The following HTT variants were observed in gnomAD, a reference collection of about 807,000 sequenced individuals.
The protein encoded by HTT is huntingtin.
HTT carries 104 observed loss-of-function variants against 362.3 expected under a neutral mutation model. That is an observed-to-expected ratio of 0.29 (90% CI 0.24 to 0.34). The LOEUF is 0.34. Ranked by LOEUF, HTT falls within the 10% of genes least tolerant of loss-of-function variation. The pLI, the probability that HTT is intolerant of heterozygous loss-of-function variation, is 1.00. For missense variants in HTT, 3,301 were observed against 3,928.6 expected, an observed-to-expected ratio of 0.84 and a Z score of 4.27; for synonymous variants, 1,577 against 1,548.7, an observed-to-expected ratio of 1.02 and a Z score of -0.43.
chr4:3,207,815 A>T (rs1027348112), intron 45 of HTT, among the ~76,000 whole-genome samples: 1 of 152,072 alleles, frequency 6.6e-6, no homozygotes, highest in Non-Finnish European at 1.5e-5. Flanking sequence ...TTAATCATTT[A>T]GTTGTGTTTG....
chr4:3,167,813 T>C (rs906277399), intron 29 of HTT, among the ~76,000 whole-genome samples: 2 of 152,254 alleles, frequency 1.3e-5, no homozygotes, highest in African/African-American at 4.8e-5. Context: ...CTGAAAATTT[T>C]TACATTTGGC....
rs1718840182 is a variant in HTT, at chr4:3,187,856, T to C, written c.5195T>C (p.Ile1732Thr). Residue 1732 changes from isoleucine to threonine, a missense_variant, in exon 39 of 67, where the codon ATA becomes ACA. This residue lies in a region of HTT where 2,316 missense variants were observed against 2,658.5 expected (regional missense o/e 0.87). Transcript: ENST00000355072. Reference protein sequence around the residue: ...TLEEHSEGKQIKNLPEETFSR... With the variant: ...TLEEHSEGKQTKNLPEETFSR... ...GAAGAACACAGTGAAGGGAAACAAATAAAGAATTTGCCAGAAGAAACATTT... is the reference window on the plus strand; with the variant it reads ...GAAGAACACAGTGAAGGGAAACAAACAAAGAATTTGCCAGAAGAAACATTT... The C allele has an allele frequency of 1.9e-6, 3 of 1,612,002 alleles. No homozygotes were observed. The highest frequency in any genetic ancestry group is 2.5e-6 in the Non-Finnish European group (3 of 1,178,538).
At chr4:3,094,926 A>ACGGGGCGG (rs1243941976) in intron 2 of HTT, among the ~76,000 whole-genome samples, 1 of 149,904 alleles carries the variant, frequency 6.7e-6, no homozygotes, top group Non-Finnish European at 1.5e-5. Context: ...CACATCTCAG[A>ACGGGGCGG]CGGGGCGGCG....
At chr4:3,235,909 C>T (rs946468187) in intron 63 of HTT, 131 bp downstream of exon 63, 2 of 793,104 alleles carry the variant, frequency 2.5e-6, no homozygotes, top group Non-Finnish European at 4.1e-6. Context: ...AAGCCGGCCC[C>T]ATCACCTTGC....
chr4:3,075,817 TCTAAGC>T (rs1415598174), intron 1 of HTT, among the ~76,000 whole-genome samples: 1 of 152,190 alleles, frequency 6.6e-6, no homozygotes, highest in East Asian at 1.9e-4. Flanking sequence ...GATCTGCTCA[TCTAAGC>T]CTAAGTTGGT....
Position 3,139,832 on chromosome 4 carries a change from T to C in HTT, c.2799-678T>C, listed in dbSNP as rs185334071. ...TTCAGACCTGCTCTGTGCTCAGTAC[T>C]CTGTGGACAGACACTGTTCAGCACT... On this transcript the variant is annotated intron_variant, in intron 21 of 66. Coordinates refer to ENST00000355072, the MANE Select transcript of HTT (RefSeq NM_001388492.1). Among the ~76,000 whole-genome samples, 11 of 152,224 alleles carry C rather than the reference T, an allele frequency of 7.2e-5. No individual in the cohort carries two copies. The East Asian group carries it at 2.1e-3, about 29-fold the overall frequency.
At chr4:3,208,493 T>G (rs1719976422) in intron 45 of HTT, among the ~76,000 whole-genome samples, 1 of 152,242 alleles carries the variant, frequency 6.6e-6, no homozygotes, top group Non-Finnish European at 1.5e-5. Flanking sequence ...TTGCAGTGTT[T>G]GAGTATAAAT....
chr4:3,178,951 C>A (rs1718371341), intron 35 of HTT, among the ~76,000 whole-genome samples: 1 of 152,138 alleles, frequency 6.6e-6, no homozygotes, highest in African/African-American at 2.4e-5. Context: ...TGTGCAAGCC[C>A]CCAGCCTGTG....
chr4:3,143,799 C>T (rs2110201488), intron 23 of HTT, among the ~76,000 whole-genome samples: 1 of 151,998 alleles, frequency 6.6e-6, no homozygotes, highest in African/African-American at 2.4e-5. Flanking sequence ...GACAGGGTTT[C>T]TCCATGTTGG....
Position 3,196,574 on chromosome 4 carries a change from T to C in HTT, c.5369-3158T>C, listed in dbSNP as rs189263474. Among the ~76,000 whole-genome samples the C allele has an allele frequency of 1.4e-4, 22 of 152,084 alleles. No homozygotes were observed. The East Asian group carries it at 4.3e-3, about 29-fold the overall frequency. On this transcript the variant is annotated intron_variant, in intron 40 of 66. Coordinates refer to ENST00000355072, the MANE Select transcript of HTT (RefSeq NM_001388492.1). Reference sequence around the variant, plus strand: ...GCAACATGTTGAAATCCTGTTTCTATAGAAAATACAAAAATTAGCTGGGCA... The same window carrying C: ...GCAACATGTTGAAATCCTGTTTCTACAGAAAATACAAAAATTAGCTGGGCA...
chr4:3,083,952 A>T (rs1175067744), intron 1 of HTT, among the ~76,000 whole-genome samples: 2 of 152,246 alleles, frequency 1.3e-5, no homozygotes, highest in Admixed American at 6.5e-5. Flanking sequence ...TACTGATAGC[A>T]TGCAACAGTT....
At chr4:3,088,934 A>T (rs536107772) in intron 2 of HTT, among the ~76,000 whole-genome samples, 1 of 152,360 alleles carries the variant, frequency 6.6e-6, no homozygotes, top group East Asian at 1.9e-4. Context: ...ACAAATGAGC[A>T]TATGTCCTGA....
At chr4:3,230,281 T>C (rs538971433) in intron 60 of HTT, among the ~76,000 whole-genome samples, 2 of 152,256 alleles carry the variant, frequency 1.3e-5, no homozygotes, top group Admixed American at 6.5e-5. Context: ...TGGTTTGGGG[T>C]CCCGTATCCC....
intron 56 of HTT, 71 bp from the exon 57 acceptor site, chr4:3,225,590 G>A (rs914239316): frequency 1.4e-6 from 2 of 1,383,534 alleles, no homozygotes; most frequent in African/African-American, 2.9e-5. Flanking sequence ...GCAGGAGCTG[G>A]GCTGGTATGG....
intron 8 of HTT, among the ~76,000 whole-genome samples, chr4:3,118,078 A>G (rs768977238): frequency 6.6e-6 from 1 of 152,118 alleles, no homozygotes; most frequent in Non-Finnish European, 1.5e-5. Context: ...TTTGTCTTCT[A>G]AGTTTTCCTG....
chr4:3,182,221 G>C (rs936196758), intron 36 of HTT, 133 bp from the exon 37 acceptor site: 1 of 623,296 alleles, frequency 1.6e-6, no homozygotes, highest in Admixed American at 2.8e-5. Context: ...GTGTCCCCCT[G>C]TCCTCGCTGG....
intron 37 of HTT, among the ~76,000 whole-genome samples, chr4:3,184,463 G>A (rs1316579010): frequency 3.3e-5 from 5 of 151,818 alleles, no homozygotes; most frequent in African/African-American, 9.7e-5. Context: ...GGAGGTGAGG[G>A]CAGAGCAGGG....
chr4:3,151,528 C>T (rs902625369), intron 26 of HTT, among the ~76,000 whole-genome samples: 3 of 152,118 alleles, frequency 2.0e-5, no homozygotes, highest in African/African-American at 4.8e-5. Flanking sequence ...GCCCCACCTC[C>T]GACACTGGAG....
At chr4:3,100,926 G>A (rs1246178827) in intron 3 of HTT, among the ~76,000 whole-genome samples, 1 of 152,152 alleles carries the variant, frequency 6.6e-6, no homozygotes, top group East Asian at 1.9e-4. Flanking sequence ...ATGGGATCTC[G>A]CCAGGTTGCC....
Sources: gnomAD v4.1 joint callset for allele counts (sites outside exome capture counted in the v4.1 genomes callset) on GRCh38, gnomAD v4.1.1 for gene constraint, gnomAD v4.1.1 regional missense constraint, MANE v1.5 for transcripts, NCBI Gene and HGNC (gene_info 2026-07-23, HGNC 2026-07-21) for gene names.